VTI1A: variants seen among roughly 807,000 people sequenced by gnomAD.
VTI1A encodes vesicle transport through interaction with t-SNAREs homolog 1A.
Under a neutral mutation model 34.9 loss-of-function variants are expected in VTI1A, and 22 were observed. The ratio of observed to expected loss-of-function variants is 0.63; its 90% CI spans 0.45 to 0.90. The LOEUF is 0.90. VTI1A is among the 40% of genes least tolerant of loss of function. The probability of loss-of-function intolerance (pLI) is 0.00; values close to 1 mark genes in which losing one functional copy is unlikely to be tolerated. For synonymous variants in VTI1A, 87 were observed against 97.3 expected (o/e 0.89, Z 0.62); for missense variants, 268 against 275.6 (o/e 0.97, Z 0.20).
At position 112,654,781 on chromosome 10, in the gene VTI1A, C is replaced by T. The variant is rs1847169194; in HGVS notation, c.428-13437C>T. On this transcript the variant is annotated intron_variant, in intron 5 of 7. Transcript: ENST00000393077. ...CAGGCGTGAGCCACCGCGCCCGGCC[C>T]CATTCTTTTTATACTTTTCTCCATT... Among the ~76,000 whole-genome samples, 3 of 152,072 alleles carry T rather than the reference C, an allele frequency of 2.0e-5. No homozygotes were observed. In the South Asian group the frequency reaches 6.2e-4, roughly 32 times the overall value.
At chr10:112,697,113 G>A (rs1420219797) in intron 7 of VTI1A, among the ~76,000 whole-genome samples, 1 of 151,776 alleles carries the variant, frequency 6.6e-6, no homozygotes, top group Non-Finnish European at 1.5e-5. Context: ...ATTCTGTTAA[G>A]CAGAAAAAGG....
At chr10:112,459,775 C>T (rs1033450469) in intron 1 of VTI1A, among the ~76,000 whole-genome samples, 2 of 152,108 alleles carry the variant, frequency 1.3e-5, no homozygotes, top group Admixed American at 6.5e-5. Flanking sequence ...ACATGTCTCT[C>T]CTAGAGAAGG....
chr10:112,532,419 A>G (rs1244904220), intron 4 of VTI1A, among the ~76,000 whole-genome samples: 1 of 152,206 alleles, frequency 6.6e-6, no homozygotes, highest in Non-Finnish European at 1.5e-5. Context: ...TCAGACCTAG[A>G]ATGTGGTTTA....
chr10:112,754,107 CTT>C (rs1851197966), intron 7 of VTI1A, among the ~76,000 whole-genome samples: 1 of 152,204 alleles, frequency 6.6e-6, no homozygotes, highest in Non-Finnish European at 1.5e-5. Flanking sequence ...AACAAGAAAA[CTT>C]TGGGAAAATG....
At chr10:112,701,630 A>G (rs1172199933) in intron 7 of VTI1A, among the ~76,000 whole-genome samples, 2 of 152,190 alleles carry the variant, frequency 1.3e-5, no homozygotes, top group Non-Finnish European at 2.9e-5. Context: ...TTGGAAATCT[A>G]GGTAGCACTG....
chr10:112,684,932 G>A (rs189335890), intron 7 of VTI1A, among the ~76,000 whole-genome samples: 21 of 152,258 alleles, frequency 1.4e-4, no homozygotes, highest in African/African-American at 3.4e-4. Context: ...TGGGCTGGCC[G>A]TAATATTTTT....
intron 3 of VTI1A, among the ~76,000 whole-genome samples, chr10:112,523,948 A>G (rs532833890): frequency 6.6e-6 from 1 of 152,288 alleles, no homozygotes; most frequent in African/African-American, 2.4e-5. Context: ...GAAGTTTATC[A>G]AGATACAGTA....
intron 4 of VTI1A, among the ~76,000 whole-genome samples, chr10:112,537,090 C>A (rs1850657068): frequency 6.6e-6 from 1 of 151,676 alleles, no homozygotes. Context: ...TGTGGCACCT[C>A]CTTTTTTATT....
intron 5 of VTI1A, among the ~76,000 whole-genome samples, chr10:112,647,728 A>G (rs935714990): frequency 6.6e-6 from 1 of 152,194 alleles, no homozygotes; most frequent in East Asian, 1.9e-4. Context: ...TTTTTGTAAA[A>G]TAATTATACT....
In VTI1A at chr10:112,518,547, TTCTCTCTCTCTCTCTCTC is replaced by T. The variant is rs57853028; in HGVS notation, c.265-8514_265-8497del. Among the ~76,000 whole-genome samples, 717 of 101,534 alleles carry T rather than the reference TTCTCTCTCTCTCTCTCTC, an allele frequency of 7.1e-3. 9 individuals are homozygous for T. The highest frequency in any genetic ancestry group is 0.028 in the African/African-American group (682 of 24,602). The allele number at this position is 101,534 out of a possible 152,430, so 66.6% of individuals were successfully genotyped here. ...CAGCATGGTGAGACCTCATATCTCTTTCTCTCTCTCTCTCTCTCTCTCTCTCTCTCTCTCTCTCTCTCT... is the reference window on the plus strand; with the variant it reads ...CAGCATGGTGAGACCTCATATCTCTTTCTCTCTCTCTCTCTCTCTCTCTCT... On this transcript the variant is annotated intron_variant, in intron 3 of 7. Coordinates refer to ENST00000393077, the MANE Select transcript of VTI1A (RefSeq NM_145206.4).
chr10:112,790,903 AC>A (rs1241611570), intron 7 of VTI1A, among the ~76,000 whole-genome samples: 1 of 151,912 alleles, frequency 6.6e-6, no homozygotes. Context: ...TGTTTAGGAT[AC>A]CCTTGCAATG....
intron 6 of VTI1A, 88 bp from the exon 7 acceptor site, chr10:112,668,849 T>C (rs745747624): frequency 1.0e-4 from 140 of 1,363,102 alleles, no homozygotes; most frequent in Non-Finnish European, 1.4e-4. Context: ...GTTTGGATTT[T>C]CTATCATGAA....
intron 5 of VTI1A, among the ~76,000 whole-genome samples, chr10:112,546,135 A>G (rs2134280396): frequency 6.6e-6 from 1 of 151,752 alleles, no homozygotes; most frequent in Admixed American, 6.6e-5. Context: ...TTTTGCATAT[A>G]TATGTGTGTG....
intron 7 of VTI1A, among the ~76,000 whole-genome samples, chr10:112,702,621 C>T (rs1189691318): frequency 6.6e-6 from 1 of 152,202 alleles, no homozygotes; most frequent in African/African-American, 2.4e-5. Flanking sequence ...GAGTCTCACT[C>T]TGTCGCCCAG....
chr10:112,490,144 A>G (rs1848770035), intron 3 of VTI1A, among the ~76,000 whole-genome samples: 2 of 152,318 alleles, frequency 1.3e-5, no homozygotes, highest in Admixed American at 6.5e-5. Context: ...GTTCCTGGAA[A>G]TTAAGTGCTT....
chr10:112,541,216 A>T (rs1307219693), intron 5 of VTI1A, among the ~76,000 whole-genome samples: 1 of 152,178 alleles, frequency 6.6e-6, no homozygotes, highest in East Asian at 1.9e-4. Context: ...TGACCACAAA[A>T]TTAGGAACTA....
chr10:112,540,828 T>C (rs148391222), intron 5 of VTI1A, among the ~76,000 whole-genome samples: 1 of 152,324 alleles, frequency 6.6e-6, no homozygotes, highest in African/African-American at 2.4e-5. Flanking sequence ...CACTTATTGA[T>C]GTCTTCTTTT....
At chr10:112,764,638 A>G (rs1564916705) in intron 7 of VTI1A, among the ~76,000 whole-genome samples, 1 of 152,208 alleles carries the variant, frequency 6.6e-6, no homozygotes, top group Non-Finnish European at 1.5e-5. Context: ...CTGTATAAAT[A>G]TAAATTTTTA....
chr10:112,457,516 G>C (rs561865821), intron 1 of VTI1A, among the ~76,000 whole-genome samples: 44 of 152,244 alleles, frequency 2.9e-4, no homozygotes, highest in Non-Finnish European at 5.1e-4. Context: ...CTCTTATGTT[G>C]GGTTAGGAAA....
Sources: gnomAD v4.1 joint callset for allele counts (sites outside exome capture counted in the v4.1 genomes callset) on GRCh38, gnomAD v4.1.1 for gene constraint, MANE v1.5 for transcripts, NCBI Gene and HGNC (gene_info 2026-07-23, HGNC 2026-07-21) for gene names.